Variants in LPCAT1 observed in about 807,000 individuals in gnomAD.
The protein encoded by LPCAT1 is lysophosphatidylcholine acyltransferase 1.
A neutral mutation model predicts 60.9 loss-of-function variants in LPCAT1; 23 were observed. The ratio of observed to expected loss-of-function variants is 0.38; its 90% CI spans 0.27 to 0.53. The LOEUF (loss-of-function observed/expected upper bound fraction) is 0.53. LPCAT1 is among the 20% of genes least tolerant of loss of function. LPCAT1 has a pLI of 0.82. For missense variants in LPCAT1, 622 were observed against 723.6 expected (o/e 0.86, Z 1.61); for synonymous variants, 340 against 301.1 (o/e 1.13, Z -1.34).
chr5:1,521,628 G>T lies in LPCAT1; in HGVS notation c.135+2082C>A. 2 of 260,434 alleles carry T rather than the reference G, an allele frequency of 7.7e-6. No individual in the cohort carries two copies. Among genetic ancestry groups the T allele is most frequent in the Non-Finnish European group, 1.2e-5 (2 of 167,096 alleles). 16.1% of individuals were successfully genotyped at this position (260,434 alleles called of 1,614,324 possible). Reference sequence around the variant, plus strand: ...AGACATCCAGCAGAAACGACTGGATGTACAAACACACCTAATTCCTCAGAT... The same window carrying T: ...AGACATCCAGCAGAAACGACTGGATTTACAAACACACCTAATTCCTCAGAT... On this transcript the variant is annotated intron_variant, in intron 1 of 13. Transcript: ENST00000283415. The surrounding 1 kb of genome is among the most constrained non-coding windows in gnomAD (Gnocchi z 4.3).
Position 1,463,576 on chromosome 5 carries a change from A to T in LPCAT1, c.*75T>A, listed in dbSNP as rs1734195092. On this transcript the variant is annotated 3_prime_UTR_variant, in exon 14 of 14. Transcript: ENST00000283415. ...ACAGCAGGAGTGAGGAGCGGAGCCC[A>T]GAGGTCACTCGCAAAGAGGCTCATG... 4 of 1,518,060 alleles carry T rather than the reference A, an allele frequency of 2.6e-6. 1 individual carries two copies. The South Asian group carries it at 4.8e-5, about 18-fold the overall frequency. 94.0% of individuals were successfully genotyped at this position (1,518,060 alleles called of 1,614,324 possible). A position where few individuals can be genotyped will look rare whatever the true frequency, so the allele number is the denominator to read the frequency against.
At chr5:1,474,413 T>C in intron 10 of LPCAT1, 147 bp downstream of exon 10, 2 of 1,181,704 alleles carry the variant, frequency 1.7e-6, no homozygotes, top group Non-Finnish European at 2.3e-6. Flanking sequence ...AAAGACACTA[T>C]GTGGGCTTAA....
chr5:1,481,723 G>A lies in LPCAT1; in HGVS notation c.727-747C>T, dbSNP rs1339622016. Among the ~76,000 whole-genome samples, 2 of 152,266 alleles carry A rather than the reference G, an allele frequency of 1.3e-5. No homozygotes were observed. The highest frequency in any genetic ancestry group is 2.9e-5 in the Non-Finnish European group (2 of 68,050). ...CCTCGGGTTGACTTTTTTGCCCACA[G>A]GAGTTGCACTGGGGCATGGTTTCCG... On this transcript the variant is annotated intron_variant, in intron 6 of 13. Coordinates refer to ENST00000283415, the MANE Select transcript of LPCAT1 (RefSeq NM_024830.5). This position sits in a 1 kb window ranked among gnomAD's most constrained non-coding sequence, Gnocchi z 7.8.
chr5:1,512,854 G>A (rs1579814024), intron 1 of LPCAT1, among the ~76,000 whole-genome samples: 1 of 152,254 alleles, frequency 6.6e-6, no homozygotes, highest in Non-Finnish European at 1.5e-5. Flanking sequence ...CACCTGCAAT[G>A]TGCACTCTGG....
At chr5:1,475,375 G>A (rs1734860546) in intron 9 of LPCAT1, among the ~76,000 whole-genome samples, 1 of 152,182 alleles carries the variant, frequency 6.6e-6, no homozygotes, top group Non-Finnish European at 1.5e-5. Context: ...GACTCCAGGT[G>A]AGCCAGGGAC....
At position 1,474,564 on chromosome 5, in the gene LPCAT1, G is replaced by A. The variant is rs367944297; in HGVS notation, c.1021C>T (p.Leu341Phe). 4 of 1,613,822 alleles carry A rather than the reference G, an allele frequency of 2.5e-6. No individual in the cohort carries two copies. Among genetic ancestry groups the A allele is most frequent in the Non-Finnish European group, 3.4e-6 (4 of 1,180,014 alleles). Reference protein sequence around the residue: ...LLEFARLVRGLGLKPEKLEKD... With the variant: ...LLEFARLVRGFGLKPEKLEKD... ...GAAGAAGAACCAGGTACTCACCCGA[G>A]GCCCCGCACGAGCCTGGCAAATTCT... The change falls in exon 10 of 14, where the codon CTC (leucine) becomes TTC (phenylalanine). Residue 341 changes from leucine to phenylalanine, a missense_variant. By Grantham distance (22) the Leu-to-Phe change is conservative. Around this residue, in one of 3 missense-constraint regions of LPCAT1, gnomAD observed 288 missense variants for 283.6 expected, o/e 1.02. Coordinates refer to ENST00000283415, the MANE Select transcript of LPCAT1 (RefSeq NM_024830.5).
chr5:1,517,617 GC>G (rs908526986), intron 1 of LPCAT1, among the ~76,000 whole-genome samples: 15 of 152,048 alleles, frequency 9.9e-5, no homozygotes, highest in Non-Finnish European at 1.9e-4. Context: ...CTCCTGAGTG[GC>G]CACTTTTTCA....
Position 1,501,500 on chromosome 5 carries a change from G to A in LPCAT1, c.239C>T (p.Ala80Val), listed in dbSNP as rs201810874. ...CGGGGGCTGCTCGGGTTCCTTCTCC[G>A]CAGAGCCCAGGGATGCGACAAGTGC... is the stretch of plus-strand genomic sequence containing the variant. ...PLALVASLGSAEKEPEQPPAL... is the reference protein window; with the variant it reads ...PLALVASLGSVEKEPEQPPAL... Residue 80 changes from alanine (A) to valine (V), a missense_variant, in exon 2 of 14, where the codon GCG becomes GTG. By Grantham distance (64) the Ala-to-Val change is moderately conservative. Around this residue, in one of 3 missense-constraint regions of LPCAT1, gnomAD observed 125 missense variants for 114.5 expected, o/e 1.09. Transcript: ENST00000283415. 4.8e-5 allele frequency: 77 copies of A among 1,613,708 alleles called. No individual in the cohort carries two copies. The highest frequency in any genetic ancestry group is 5.9e-5 in the Non-Finnish European group (70 of 1,179,850).
chr5:1,474,368 G>A (rs750718356), intron 10 of LPCAT1, among the ~76,000 whole-genome samples, 192 bp downstream of exon 10: 14 of 152,328 alleles, frequency 9.2e-5, no homozygotes, highest in East Asian at 1.9e-4. Flanking sequence ...CTGGGGCGCC[G>A]TCCACAGACA....
At chr5:1,515,506 TACACCCTGCCCCAC>T (rs1736481967) in intron 1 of LPCAT1, among the ~76,000 whole-genome samples, 1 of 114,546 alleles carries the variant, frequency 8.7e-6, no homozygotes, top group East Asian at 2.9e-4. Flanking sequence ...GCCTGCCCTG[TACACCCTGCCCCAC>T]ACTACCCGCA....
At chr5:1,494,953 G>GGGGCCC in intron 2 of LPCAT1, 39 bp from the exon 3 acceptor site, 1 of 1,535,996 alleles carries the variant, frequency 6.5e-7, no homozygotes, top group Middle Eastern at 2.2e-4. Context: ...GCACACGTCC[G>GGGGCCC]CAGTCTCGGA....
chr5:1,521,307 C>T lies in LPCAT1; in HGVS notation c.135+2403G>A. 1 of 985,178 alleles carries T rather than the reference C, an allele frequency of 1.0e-6. No homozygotes were observed. The highest frequency in any genetic ancestry group is 1.2e-6 in the Non-Finnish European group (1 of 829,684). The allele number at this position is 985,178 out of a possible 1,614,324, so 61.0% of individuals were successfully genotyped here. ...AATCCGAAGACACACAGCAGCCCCT[C>T]CCAGGCGGCAAATGCTCACAGGTAA... On this transcript the variant is annotated intron_variant, in intron 1 of 13. Transcript: ENST00000283415. The surrounding 1 kb of genome is among the most constrained non-coding windows in gnomAD (Gnocchi z 4.3).
chr5:1,493,335 C>T (rs915648661), intron 3 of LPCAT1, among the ~76,000 whole-genome samples: 8 of 152,264 alleles, frequency 5.3e-5, no homozygotes, highest in African/African-American at 1.9e-4. Context: ...TTCCTCACCC[C>T]ACTTCCAGCC....
Position 1,463,541 on chromosome 5 carries a change from C to A in LPCAT1, c.*110G>T. 1 of 1,200,728 alleles carries A rather than the reference C, an allele frequency of 8.3e-7. No individual in the cohort carries two copies. The highest frequency in any genetic ancestry group is 1.2e-6 in the Non-Finnish European group (1 of 860,962). The allele number at this position is 1,200,728 out of a possible 1,614,324, so 74.4% of individuals were successfully genotyped here. The stretch of plus-strand genomic sequence containing the variant: ...AGGCCCCTGGAACTCGGGCTGAAGA[C>A]AGTGCCTGTACAGCAGGAGTGAGGA... On this transcript the variant is annotated 3_prime_UTR_variant, in exon 14 of 14. Transcript: ENST00000283415.
intron 6 of LPCAT1, among the ~76,000 whole-genome samples, chr5:1,482,253 T>G (rs898937983): frequency 6.0e-5 from 9 of 151,126 alleles, no homozygotes; most frequent in East Asian, 5.9e-4. Flanking sequence ...ACCAAATGAA[T>G]GCCCTGAGCT....
At chr5:1,514,952 A>T (rs1251815662) in intron 1 of LPCAT1, among the ~76,000 whole-genome samples, 3 of 152,208 alleles carry the variant, frequency 2.0e-5, no homozygotes, top group Non-Finnish European at 2.9e-5. Flanking sequence ...AAGAATCCTG[A>T]AATTCAGGAT....
At position 1,495,241 on chromosome 5, in the gene LPCAT1, C is replaced by T. The variant is rs1203255400; in HGVS notation, c.279-327G>A. On this transcript the variant is annotated intron_variant, in intron 2 of 13. Transcript: ENST00000283415. The surrounding 1 kb of genome is among the most constrained non-coding windows in gnomAD (Gnocchi z 4.7). ...CACAAGTCCCAGGCCAGAAGACCTC[C>T]GGACCTTCATGTTAGCAACTTATTT... Among the ~76,000 whole-genome samples the T allele has an allele frequency of 6.6e-6, 1 of 152,114 alleles. No individual in the cohort carries two copies. Among genetic ancestry groups the T allele is most frequent in the Non-Finnish European group, 1.5e-5 (1 of 68,026 alleles).
At chr5:1,520,875 A>AG (rs1286628813) in intron 1 of LPCAT1, among the ~76,000 whole-genome samples, 1 of 150,486 alleles carries the variant, frequency 6.6e-6, no homozygotes, top group African/African-American at 2.4e-5. Flanking sequence ...AAAAAAAAAA[A>AG]AAAAGAAAAA....
chr5:1,476,958 G>T lies in LPCAT1; in HGVS notation c.899+446C>A, dbSNP rs1417904564. ...TGCATGCACGACAACTGTGTAAGCA[G>T]CACAAGTCACCTTACAAGATTAAAT... On this transcript the variant is annotated intron_variant, in intron 9 of 13. Coordinates refer to ENST00000283415, the MANE Select transcript of LPCAT1 (RefSeq NM_024830.5). The surrounding 1 kb of genome is among the most constrained non-coding windows in gnomAD (Gnocchi z 8.6). Among the ~76,000 whole-genome samples the T allele has an allele frequency of 2.6e-5, 4 of 152,206 alleles. No homozygotes were observed. Among genetic ancestry groups the T allele is most frequent in the African/African-American group, 9.7e-5 (4 of 41,438 alleles).
Sources: allele counts gnomAD v4.1 joint callset (sites outside exome capture counted in the v4.1 genomes callset), GRCh38; gene constraint gnomAD v4.1.1; regional missense constraint gnomAD v4.1.1; non-coding constraint Gnocchi (gnomAD v3.1); transcripts MANE v1.5; gene names NCBI Gene and HGNC (gene_info 2026-07-23, HGNC 2026-07-21).